Variants in HS3ST2 observed in about 807,000 individuals in gnomAD.
The protein encoded by HS3ST2 is heparan sulfate glucosamine 3-O-sulfotransferase 2.
HS3ST2 carries 17 observed loss-of-function variants against 26.3 expected under a neutral mutation model. The observed-to-expected ratio is 0.65, with a 90% CI of 0.44 to 0.97. The LOEUF (loss-of-function observed/expected upper bound fraction) is 0.97. HS3ST2 is among the 50% of genes least tolerant of loss of function. HS3ST2 has a pLI of 0.00. For synonymous variants in HS3ST2, 237 were observed against 219.2 expected (o/e 1.08, Z -0.72); for missense variants, 402 against 501.2 (o/e 0.80, Z 1.89).
intron 1 of HS3ST2, among the ~76,000 whole-genome samples, chr16:22,884,161 C>G (rs1902029107): frequency 6.6e-6 from 1 of 152,180 alleles, no homozygotes; most frequent in Non-Finnish European, 1.5e-5. Context: ...ACATCTGATA[C>G]CTACAGGGTG....
At chr16:22,901,898 T>C (rs1050434877) in intron 1 of HS3ST2, among the ~76,000 whole-genome samples, 1 of 150,840 alleles carries the variant, frequency 6.6e-6, no homozygotes, top group East Asian at 1.9e-4. Context: ...CATTAGATAG[T>C]TTTTTTTAAA....
At chr16:22,823,611 T>C (rs1467955746) in intron 1 of HS3ST2, among the ~76,000 whole-genome samples, 6 of 111,036 alleles carry the variant, frequency 5.4e-5, no homozygotes, top group Admixed American at 1.9e-4. Flanking sequence ...TAGGGAGACC[T>C]CTTCTCTAAA....
intron 1 of HS3ST2, among the ~76,000 whole-genome samples, chr16:22,868,073 G>A (rs887392621): frequency 3.3e-5 from 5 of 152,070 alleles, no homozygotes; most frequent in Admixed American, 2.0e-4. Context: ...TATTACACAT[G>A]CACAAAAATT....
At chr16:22,912,599 C>T (rs143500312) in intron 1 of HS3ST2, among the ~76,000 whole-genome samples, 126 of 152,304 alleles carry the variant, frequency 8.3e-4, no homozygotes, top group Middle Eastern at 3.4e-3. Flanking sequence ...AGAGGCACTG[C>T]TCCCTGCAGA....
chr16:22,855,526 G>C (rs1004270220), intron 1 of HS3ST2, among the ~76,000 whole-genome samples: 1 of 152,058 alleles, frequency 6.6e-6, no homozygotes, highest in Admixed American at 6.6e-5. Flanking sequence ...CAACTGCCAC[G>C]CCCCTGCTGC....
At chr16:22,899,690 G>A (rs1902258106) in intron 1 of HS3ST2, among the ~76,000 whole-genome samples, 1 of 152,350 alleles carries the variant, frequency 6.6e-6, no homozygotes, top group South Asian at 2.1e-4. Flanking sequence ...GGCGAAAGGT[G>A]AAGGAAGAGC....
At chr16:22,842,364 G>A (rs942000704) in intron 1 of HS3ST2, among the ~76,000 whole-genome samples, 5 of 151,898 alleles carry the variant, frequency 3.3e-5, no homozygotes, top group African/African-American at 1.2e-4. Context: ...TGTCCAGCTG[G>A]AGTACTGTAA....
At chr16:22,861,466 G>T (rs1368854519) in intron 1 of HS3ST2, among the ~76,000 whole-genome samples, 1 of 151,862 alleles carries the variant, frequency 6.6e-6, no homozygotes, top group East Asian at 1.9e-4. Context: ...CCCTGGAATG[G>T]CAGTGGGTAG....
At chr16:22,815,865 A>G (rs1900859270) in intron 1 of HS3ST2, among the ~76,000 whole-genome samples, 1 of 152,242 alleles carries the variant, frequency 6.6e-6, no homozygotes, top group African/African-American at 2.4e-5. Flanking sequence ...TTAAAGGTGT[A>G]AAAAAGGCAC....
Position 22,915,086 on chromosome 16 carries a change from C to T in HS3ST2, c.628C>T (p.Arg210Cys). The T allele has an allele frequency of 6.2e-7, 1 of 1,614,068 alleles. No individual in the cohort carries two copies. The highest frequency in any genetic ancestry group is 8.5e-7 in the Non-Finnish European group (1 of 1,180,020). The change falls in exon 2 of 2, where the codon CGT becomes TGT. Residue 210 changes from arginine to cysteine, a missense_variant. Coordinates refer to ENST00000261374, the MANE Select transcript of HS3ST2 (RefSeq NM_006043.2). ...LIVVVRNPVT[R>C]AISDYTQTLS... ...CGTGGTTGTGCGGAACCCTGTGACC[C>T]GTGCCATCTCTGATTACACGCAGAC... is the stretch of plus-strand genomic sequence containing the variant.
intron 1 of HS3ST2, among the ~76,000 whole-genome samples, chr16:22,819,309 C>T (rs957324065): frequency 3.3e-5 from 5 of 151,852 alleles, no homozygotes; most frequent in Non-Finnish European, 7.4e-5. Context: ...GCTTTGCAAC[C>T]TTATAAAAAT....
At chr16:22,864,523 C>A (rs1410444094) in intron 1 of HS3ST2, among the ~76,000 whole-genome samples, 1 of 152,076 alleles carries the variant, frequency 6.6e-6, no homozygotes, top group Non-Finnish European at 1.5e-5. Context: ...TGGTCTGGTC[C>A]AGATCAAGAG....
intron 1 of HS3ST2, among the ~76,000 whole-genome samples, chr16:22,873,977 G>C (rs79017629): frequency 6.6e-6 from 1 of 152,172 alleles, no homozygotes; most frequent in Non-Finnish European, 1.5e-5. Flanking sequence ...ACAGGGTTCC[G>C]GGAATAGCAG....
chr16:22,821,225 G>A (rs374227630), intron 1 of HS3ST2, among the ~76,000 whole-genome samples: 5 of 152,212 alleles, frequency 3.3e-5, no homozygotes, highest in African/African-American at 1.2e-4. Context: ...ATGGCCTGCT[G>A]TACAGAGGCA....
intron 1 of HS3ST2, among the ~76,000 whole-genome samples, chr16:22,897,221 T>G (rs1221098738): frequency 6.6e-6 from 1 of 152,220 alleles, no homozygotes; most frequent in Non-Finnish European, 1.5e-5. Context: ...TTTTCCTTTA[T>G]CACAAGTTGT....
intron 1 of HS3ST2, among the ~76,000 whole-genome samples, chr16:22,883,068 A>G (rs1902012864): frequency 6.6e-6 from 1 of 152,040 alleles, no homozygotes; most frequent in Non-Finnish European, 1.5e-5. Flanking sequence ...CCATAGCAAC[A>G]TTCCTGCTAT....
intron 1 of HS3ST2, among the ~76,000 whole-genome samples, chr16:22,849,676 C>T (rs898468724): frequency 4.6e-4 from 70 of 152,164 alleles, no homozygotes; most frequent in African/African-American, 1.5e-3. Context: ...GAGTAAATTG[C>T]GCACTTGTTC....
chr16:22,820,390 C>G (rs1335241946), intron 1 of HS3ST2, among the ~76,000 whole-genome samples: 6 of 152,192 alleles, frequency 3.9e-5, no homozygotes, highest in Admixed American at 3.9e-4. Context: ...AAGCCTTAGT[C>G]TATTAATCCA....
chr16:22,865,758 G>T (rs111280205), intron 1 of HS3ST2, among the ~76,000 whole-genome samples: 375 of 152,304 alleles, frequency 2.5e-3, no homozygotes, highest in African/African-American at 7.9e-3. Flanking sequence ...GAGGAAATAG[G>T]ATTCAAGTAA....
Sources: gnomAD v4.1 joint callset for allele counts (sites outside exome capture counted in the v4.1 genomes callset) on GRCh38, gnomAD v4.1.1 for gene constraint, MANE v1.5 for transcripts, NCBI Gene and HGNC (gene_info 2026-07-23, HGNC 2026-07-21) for gene names.